KIF2A: variants seen among roughly 807,000 people sequenced by gnomAD.
The protein encoded by KIF2A is kinesin family member 2A, also known as kinesin-like protein KIF2A.
A neutral mutation model predicts 100.2 loss-of-function variants in KIF2A; 22 were observed. That is an observed-to-expected ratio of 0.22 (90% CI 0.16 to 0.31). KIF2A has a LOEUF of 0.31. Among genes scored for constraint, KIF2A ranks in the 10% least tolerant of loss-of-function variants. The pLI is 1.00. For synonymous variants in KIF2A, 268 were observed against 285.9 expected (o/e 0.94, Z 0.63); for missense variants, 495 against 898.7 (o/e 0.55, Z 5.74).
At chr5:62,326,590 C>T (rs1188657679) in intron 1 of KIF2A, among the ~76,000 whole-genome samples, 3 of 152,214 alleles carry the variant, frequency 2.0e-5, no homozygotes, top group East Asian at 1.9e-4. Context: ...CTCCTTTCAC[C>T]TGCCCAGTCA....
At chr5:62,332,198 A>C (rs939134588) in intron 1 of KIF2A, among the ~76,000 whole-genome samples, 5 of 152,230 alleles carry the variant, frequency 3.3e-5, no homozygotes. Context: ...AGCTCAATGA[A>C]TATATGAGCT....
At chr5:62,317,473 TATAATG>T (rs953879807) in intron 1 of KIF2A, among the ~76,000 whole-genome samples, 6 of 152,222 alleles carry the variant, frequency 3.9e-5, no homozygotes, top group African/African-American at 1.4e-4. Flanking sequence ...CCTATATTGT[TATAATG>T]AGGAAGTTGA....
At chr5:62,371,968 A>C (rs185887371) in intron 16 of KIF2A, among the ~76,000 whole-genome samples, 5 of 152,360 alleles carry the variant, frequency 3.3e-5, no homozygotes, top group African/African-American at 1.2e-4. Context: ...TTCTGGATGC[A>C]TAGGAAAGAA....
Position 62,337,495 on chromosome 5 carries a change from A to AG in KIF2A, c.65-9635_65-9634insG, listed in dbSNP as rs202184566. 5.1e-3 allele frequency among the ~76,000 whole-genome samples: 776 copies of AG among 152,096 alleles called. 12 individuals carry two copies. The Middle Eastern group carries it at 0.058, about 11-fold the overall frequency. On this transcript the variant is annotated intron_variant, in intron 1 of 20. Coordinates refer to ENST00000407818, the MANE Select transcript of KIF2A (RefSeq NM_001098511.3). ...CAACAGAACAAGACTGTCTCAAAAA[A>AG]AAAAATAAAGATTAGTATAACCATG...
chr5:62,359,510 T>C (rs926794646), intron 9 of KIF2A, among the ~76,000 whole-genome samples: 1 of 152,098 alleles, frequency 6.6e-6, no homozygotes, highest in Admixed American at 6.6e-5. Flanking sequence ...TAGAGATATT[T>C]GTGAAGAATA....
At chr5:62,344,443 A>C (rs904475653) in intron 1 of KIF2A, among the ~76,000 whole-genome samples, 1 of 152,198 alleles carries the variant, frequency 6.6e-6, no homozygotes, top group East Asian at 1.9e-4. Flanking sequence ...TGACATATTC[A>C]TACTTAAAAA....
chr5:62,315,965 G>T (rs1020598113), intron 1 of KIF2A, among the ~76,000 whole-genome samples: 1 of 152,164 alleles, frequency 6.6e-6, no homozygotes, highest in African/African-American at 2.4e-5. Flanking sequence ...GAGTTGAAAG[G>T]AAAGGACTTA....
chr5:62,332,231 C>T (rs1200551858), intron 1 of KIF2A, among the ~76,000 whole-genome samples: 1 of 152,114 alleles, frequency 6.6e-6, no homozygotes, highest in African/African-American at 2.4e-5. Flanking sequence ...AGCACTAATA[C>T]CAGATCTTAA....
intron 1 of KIF2A, among the ~76,000 whole-genome samples, chr5:62,312,735 C>A (rs981809206): frequency 1.3e-5 from 2 of 152,200 alleles, no homozygotes; most frequent in African/African-American, 4.8e-5. Context: ...CCATATTAAA[C>A]TATCTCCCAA....
chr5:62,343,919 C>T (rs1341634198), intron 1 of KIF2A, among the ~76,000 whole-genome samples: 1 of 152,156 alleles, frequency 6.6e-6, no homozygotes, highest in Admixed American at 6.5e-5. Context: ...GACATATAGA[C>T]ATCTTCATCA....
At chr5:62,308,619 T>A in intron 1 of KIF2A, 2 of 697,728 alleles carry the variant, frequency 2.9e-6, no homozygotes, top group Non-Finnish European at 5.2e-6. Flanking sequence ...TCCTACTGTT[T>A]ACCACAACAT....
chr5:62,352,216 G>GTT (rs1328594009), intron 4 of KIF2A, among the ~76,000 whole-genome samples: 1 of 151,038 alleles, frequency 6.6e-6, no homozygotes, highest in Non-Finnish European at 1.5e-5. Flanking sequence ...GCAGTTTAAA[G>GTT]TTTTAAGACG....
Sources: allele counts gnomAD v4.1 joint callset (sites outside exome capture counted in the v4.1 genomes callset), GRCh38; gene constraint gnomAD v4.1.1; transcripts MANE v1.5; gene names NCBI Gene and HGNC (gene_info 2026-07-23, HGNC 2026-07-21).